NALF1: variants seen among roughly 807,000 people sequenced by gnomAD.
The protein encoded by NALF1 is NALCN channel auxiliary factor 1, also known as family with sequence similarity 155 member A.
In NALF1, 3 loss-of-function variants were observed where a neutral mutation model predicts 48.4. The observed-to-expected ratio is 0.06, with a 90% CI of 0.03 to 0.16. The LOEUF is 0.16. NALF1 is among the 10% of genes least tolerant of loss of function. The pLI is 1.00. For missense variants in NALF1, 526 were observed against 571.5 expected, an observed-to-expected ratio of 0.92 and a Z score of 0.81; for synonymous variants, 262 against 245.7, an observed-to-expected ratio of 1.07 and a Z score of -0.62.
intron 1 of NALF1, among the ~76,000 whole-genome samples, chr13:107,502,577 A>C (rs947112033): frequency 6.6e-6 from 1 of 152,028 alleles, no homozygotes. Context: ...AAACTCCTTA[A>C]CCCTTCCCCT....
chr13:107,556,342 T>C (rs951257715), intron 1 of NALF1, among the ~76,000 whole-genome samples: 5 of 146,090 alleles, frequency 3.4e-5, no homozygotes, highest in South Asian at 2.1e-4. Context: ...CACACACATA[T>C]ATATATATAG....
intron 1 of NALF1, among the ~76,000 whole-genome samples, chr13:107,807,061 C>T (rs552216256): frequency 6.6e-6 from 1 of 152,210 alleles, no homozygotes; most frequent in East Asian, 1.9e-4. Flanking sequence ...TACTGACATG[C>T]ACTTCTAAAA....
chr13:107,210,087 C>CACAT (rs61429236), intron 2 of NALF1, among the ~76,000 whole-genome samples: 4 of 151,678 alleles, frequency 2.6e-5, no homozygotes, highest in Non-Finnish European at 2.9e-5. Context: ...CACACACACA[C>CACAT]GTACAATTTA....
chr13:107,813,562 G>A (rs1175765970), intron 1 of NALF1, among the ~76,000 whole-genome samples: 3 of 151,914 alleles, frequency 2.0e-5, no homozygotes, highest in Admixed American at 2.0e-4. Context: ...TATTACACAT[G>A]TACTAGGTGT....
intron 2 of NALF1, among the ~76,000 whole-genome samples, chr13:107,188,491 T>C (rs1375598317): frequency 2.0e-5 from 3 of 152,098 alleles, no homozygotes; most frequent in African/African-American, 7.2e-5. Context: ...TGGATATCTA[T>C]ACATTTATAA....
intron 1 of NALF1, among the ~76,000 whole-genome samples, chr13:107,500,395 C>T (rs1875479396): frequency 6.6e-6 from 1 of 151,996 alleles, no homozygotes; most frequent in Non-Finnish European, 1.5e-5. Flanking sequence ...AAATCAAAAC[C>T]ACAATGAGAC....
At chr13:107,503,482 C>A (rs57758585) in intron 1 of NALF1, among the ~76,000 whole-genome samples, 46,865 of 151,870 alleles carry the variant, frequency 0.31, 7,426 homozygotes, top group Non-Finnish European at 0.33. Context: ...AGAAAGGGAA[C>A]CTTAATACAC....
intron 1 of NALF1, among the ~76,000 whole-genome samples, chr13:107,862,887 A>T (rs976272409): frequency 6.6e-6 from 1 of 151,812 alleles, no homozygotes; most frequent in African/African-American, 2.4e-5. Context: ...CTAACTCTAA[A>T]ATTTAGAAAT....
intron 1 of NALF1, among the ~76,000 whole-genome samples, chr13:107,239,009 A>C (rs184815400): frequency 6.6e-6 from 1 of 152,322 alleles, no homozygotes; most frequent in Non-Finnish European, 1.5e-5. Context: ...AGAAATATGA[A>C]AGCTCAAACT....
intron 1 of NALF1, among the ~76,000 whole-genome samples, chr13:107,671,470 T>C (rs948205621): frequency 6.6e-6 from 1 of 152,064 alleles, no homozygotes; most frequent in Admixed American, 6.6e-5. Context: ...TGCATTAAAT[T>C]AGTAATGTAA....
intron 1 of NALF1, among the ~76,000 whole-genome samples, chr13:107,360,435 A>T (rs910869085): frequency 6.6e-6 from 1 of 152,180 alleles, no homozygotes. Flanking sequence ...CTTTCACATC[A>T]TGAAAATTGG....
chr13:107,678,791 G>A (rs1485045293), intron 1 of NALF1, among the ~76,000 whole-genome samples: 1 of 152,162 alleles, frequency 6.6e-6, no homozygotes, highest in Admixed American at 6.5e-5. Flanking sequence ...CAGATCTCGT[G>A]AGAACTCACT....
intron 1 of NALF1, among the ~76,000 whole-genome samples, chr13:107,602,847 C>T (rs770420528): frequency 2.6e-5 from 4 of 152,120 alleles, no homozygotes; most frequent in Non-Finnish European, 4.4e-5. Context: ...ATTCTCTATG[C>T]TTATATGTCA....
chr13:107,203,873 A>T (rs770745038), intron 2 of NALF1, among the ~76,000 whole-genome samples: 48 of 152,214 alleles, frequency 3.2e-4, no homozygotes, highest in Admixed American at 1.6e-3. Context: ...ATTTTCCCCA[A>T]AGGCTGTCGA....
At chr13:107,519,337 A>G (rs1876161859) in intron 1 of NALF1, among the ~76,000 whole-genome samples, 1 of 149,700 alleles carries the variant, frequency 6.7e-6, no homozygotes, top group Non-Finnish European at 1.5e-5. Flanking sequence ...TTCTTACGTT[A>G]TACTGTATCA....
intron 2 of NALF1, among the ~76,000 whole-genome samples, chr13:107,178,562 T>C (rs972406043): frequency 1.3e-5 from 2 of 152,136 alleles, no homozygotes; most frequent in African/African-American, 4.8e-5. Flanking sequence ...TAACAAATGC[T>C]GGTGAGGTTG....
intron 2 of NALF1, among the ~76,000 whole-genome samples, chr13:107,171,396 T>G (rs1434935344): frequency 6.6e-6 from 1 of 152,246 alleles, no homozygotes; most frequent in African/African-American, 2.4e-5. Flanking sequence ...TACAGAAGTC[T>G]GCCTCAGTTG....
At chr13:107,526,656 AAT>A (rs1566377979) in intron 1 of NALF1, among the ~76,000 whole-genome samples, 1 of 152,160 alleles carries the variant, frequency 6.6e-6, no homozygotes, top group Non-Finnish European at 1.5e-5. Flanking sequence ...TTATCAATAT[AAT>A]TGATATGATT....
At chr13:107,683,071 G>A (rs1228563651) in intron 1 of NALF1, among the ~76,000 whole-genome samples, 1 of 152,064 alleles carries the variant, frequency 6.6e-6, no homozygotes, top group Non-Finnish European at 1.5e-5. Flanking sequence ...AGACCAGCCT[G>A]GGAAGCAAAG....
Sources: allele counts gnomAD v4.1 joint callset (sites outside exome capture counted in the v4.1 genomes callset), GRCh38; gene constraint gnomAD v4.1.1; transcripts MANE v1.5; gene names NCBI Gene and HGNC (gene_info 2026-07-23, HGNC 2026-07-21).